CFAP47: variants seen among roughly 807,000 people sequenced by gnomAD.
CFAP47 encodes cilia and flagella associated protein 47, also known as cilia- and flagella-associated protein 47.
A neutral mutation model predicts 148.1 loss-of-function variants in CFAP47; 29 were observed. The ratio of observed to expected loss-of-function variants is 0.20; its 90% CI spans 0.15 to 0.27. CFAP47 has a LOEUF of 0.27. Among genes scored for constraint, CFAP47 ranks in the 10% least tolerant of loss-of-function variants. The probability of loss-of-function intolerance (pLI) is 1.00; values close to 1 mark genes in which losing one functional copy is unlikely to be tolerated. For synonymous variants in CFAP47, 664 were observed against 577.3 expected (o/e 1.15, Z -2.15); for missense variants, 1,872 against 1,697.5 (o/e 1.10, Z -1.81).
At chrX:36,079,341 A>G (rs1355263014) in intron 29 of CFAP47, among the ~76,000 whole-genome samples, 4 of 111,847 alleles carry the variant, frequency 3.6e-5, no homozygotes, top group Admixed American at 9.5e-5. Flanking sequence ...GTCTTTTCAC[A>G]TAATTCCATA....
rs949816084 is a variant in CFAP47, at chrX:35,922,933, C to G, written c.249+2885C>G. On this transcript the variant is annotated intron_variant, in intron 1 of 63. Coordinates refer to ENST00000378653, the MANE Select transcript of CFAP47 (RefSeq NM_001304548.2). ...GAGATATTTTTACACCTATAATGAG[C>G]ACCTTCCTCGCTTCTTCTCCACCTT... 1.1e-4 allele frequency among the ~76,000 whole-genome samples: 12 copies of G among 111,328 alleles called. No homozygotes were observed. In the Admixed American group the frequency reaches 1.2e-3, roughly 11 times the overall value.
chrX:36,285,615 G>A lies in CFAP47; in HGVS notation c.7589-14G>A, dbSNP rs1941124089. On this transcript the variant is annotated splice_polypyrimidine_tract_variant and intron_variant, in intron 50 of 63. Transcript: ENST00000378653. ...TGAAGTCTATATTAAAAAGTGTTTT[G>A]TTTTGTTTTTCAGATGGTAATTTTA... 6 of 732,869 alleles carry A rather than the reference G, an allele frequency of 8.2e-6. No homozygotes were observed. The highest frequency in any genetic ancestry group is 1.0e-5 in the Non-Finnish European group (5 of 481,338). 60.4% of individuals were successfully genotyped at this position (732,869 alleles called of 1,213,427 possible).
chrX:36,281,392 T>C (rs782686568), intron 50 of CFAP47, among the ~76,000 whole-genome samples: 3 of 112,407 alleles, frequency 2.7e-5, no homozygotes, highest in Non-Finnish European at 3.8e-5. Flanking sequence ...ATTGACACCA[T>C]TGTGGGAGCT....
intron 16 of CFAP47, among the ~76,000 whole-genome samples, chrX:35,990,891 G>A (rs138886821): frequency 0.011 from 1,185 of 111,209 alleles, 15 homozygotes; most frequent in African/African-American, 0.037. Context: ...AAAAAATTGT[G>A]TCATGTCTTA....
rs191049760 is a variant in CFAP47 at position 35,951,309 on chromosome X, C to T, written c.835C>T (p.Pro279Ser). The change falls in exon 5 of 64, where the codon CCC becomes TCC. Residue 279 changes from proline (P) to serine (S), a missense_variant. Pro to Ser is a moderately conservative substitution (Grantham distance 74). Transcript: ENST00000378653. ...HARVYNNSPE[P>S]INWVAIIQDD... ...ACGTGTATACAATAATAGCCCAGAG[C>T]CCATAAATTGGGTGGCCATCATACA... 4.4e-4 allele frequency: 534 copies of T among 1,207,871 alleles called. 3 individuals carry two copies. The highest frequency in any genetic ancestry group is 3.4e-3 in the South Asian group (195 of 56,663).
At chrX:36,016,782 G>A (rs1392660005) in intron 22 of CFAP47, among the ~76,000 whole-genome samples, 8 of 93,767 alleles carry the variant, frequency 8.5e-5, no homozygotes, top group Non-Finnish European at 1.0e-4. Flanking sequence ...TCGCATCAAC[G>A]AACAGTATAC....
intron 57 of CFAP47, among the ~76,000 whole-genome samples, chrX:36,346,913 G>A (rs1408114791): frequency 8.9e-6 from 1 of 111,957 alleles, no homozygotes; most frequent in Non-Finnish European, 1.9e-5. Context: ...AAAAGCAATG[G>A]CAACAAAAGC....
intron 49 of CFAP47, among the ~76,000 whole-genome samples, chrX:36,264,385 C>T (rs1459546273): frequency 8.9e-6 from 1 of 111,819 alleles, no homozygotes; most frequent in Non-Finnish European, 1.9e-5. Context: ...ATAGACCCAA[C>T]ACAGTTTATC....
At chrX:36,362,244 T>C (rs1556019408) in intron 61 of CFAP47, among the ~76,000 whole-genome samples, 1 of 112,494 alleles carries the variant, frequency 8.9e-6, no homozygotes, top group African/African-American at 3.2e-5. Context: ...GGAAGTATAT[T>C]TGTAGGTTTT....
At chrX:35,999,229 G>A (rs937892343) in intron 19 of CFAP47, among the ~76,000 whole-genome samples, 1 of 112,094 alleles carries the variant, frequency 8.9e-6, no homozygotes, top group African/African-American at 3.2e-5. Flanking sequence ...ATACAACTGC[G>A]TTGACATTTT....
At chrX:36,234,302 C>T (rs782360345) in intron 46 of CFAP47, among the ~76,000 whole-genome samples, 1 of 111,003 alleles carries the variant, frequency 9.0e-6, no homozygotes, top group African/African-American at 3.3e-5. Flanking sequence ...TTCTTGGAGG[C>T]TTTGTTCATT....
intron 3 of CFAP47, among the ~76,000 whole-genome samples, chrX:35,942,121 A>G (rs1287789506): frequency 9.0e-6 from 1 of 110,645 alleles, no homozygotes; most frequent in Non-Finnish European, 1.9e-5. Context: ...TTATCCCTTC[A>G]GTGTCCTGAT....
At chrX:35,929,350 T>C (rs1266630647) in intron 2 of CFAP47, among the ~76,000 whole-genome samples, 1 of 112,343 alleles carries the variant, frequency 8.9e-6, no homozygotes, top group Non-Finnish European at 1.9e-5. Flanking sequence ...TTTGTAATTT[T>C]CAGCCCAGAG....
In CFAP47 at chrX:36,301,189, A is replaced by G; in HGVS notation, c.7970+10A>G. On this transcript the variant is annotated intron_variant, in intron 53 of 63. Transcript: ENST00000378653. ...AGTGCGACCTTGGCAAGTAAGTTCT[A>G]CTTAATAGATAAAGTTATTGCTTGC... 2.0e-6 allele frequency: 2 copies of G among 1,003,017 alleles called. No homozygotes were observed. Among genetic ancestry groups the G allele is most frequent in the African/African-American group, 1.9e-5 (1 of 52,724 alleles). 82.7% of individuals were successfully genotyped at this position (1,003,017 alleles called of 1,213,427 possible). A position where few individuals can be genotyped will look rare whatever the true frequency, so the allele number is the denominator to read the frequency against.
intron 49 of CFAP47, among the ~76,000 whole-genome samples, chrX:36,261,100 T>C (rs1940811776): frequency 9.3e-6 from 1 of 107,711 alleles, no homozygotes; most frequent in Non-Finnish European, 1.9e-5. Context: ...CCATTTTGGT[T>C]ACTTTAGCCT....
At chrX:35,932,350 C>G (rs1257714023) in intron 2 of CFAP47, among the ~76,000 whole-genome samples, 50 of 105,990 alleles carry the variant, frequency 4.7e-4, no homozygotes, top group Middle Eastern at 9.6e-3. Context: ...ACCTCCACCT[C>G]CCAGGTTCAA....
chrX:36,038,905 T>C, intron 24 of CFAP47, 79 bp from the exon 25 acceptor site: 1 of 455,695 alleles, frequency 2.2e-6, no homozygotes, highest in Non-Finnish European at 3.5e-6. Context: ...CATTTTGAAA[T>C]TTAGTAATAG....
At chrX:36,066,185 A>G (rs181507599) in intron 27 of CFAP47, among the ~76,000 whole-genome samples, 4 of 111,307 alleles carry the variant, frequency 3.6e-5, no homozygotes, top group Non-Finnish European at 5.7e-5. Flanking sequence ...AGAAGCTAAG[A>G]ATACTAAACA....
rs199848706 is a variant in CFAP47, at chrX:35,975,765, G to C, written c.2565G>C (p.Glu855Asp). 3 of 1,210,250 alleles carry C rather than the reference G, an allele frequency of 2.5e-6. No homozygotes were observed. Among genetic ancestry groups the C allele is most frequent in the Non-Finnish European group, 3.4e-6 (3 of 894,304 alleles). Residue 855 changes from glutamate to aspartate, a missense_variant, in exon 15 of 64, where the codon GAG (glutamate) becomes GAC (aspartate). Glu to Asp is a conservative substitution (Grantham distance 45). Coordinates refer to ENST00000378653, the MANE Select transcript of CFAP47 (RefSeq NM_001304548.2). ...TAACACTTGAGCTATCTTCTAATGA[G>C]CTAGTATTGAGACCACGAGGCTTCT... The part of the protein sequence containing the change: ...QPVTLELSSN[E>D]LVLRPRGFFM...
Sources: allele counts gnomAD v4.1 joint callset (sites outside exome capture counted in the v4.1 genomes callset), GRCh38; gene constraint gnomAD v4.1.1; transcripts MANE v1.5; gene names NCBI Gene and HGNC (gene_info 2026-07-23, HGNC 2026-07-21).